The following DPPA2 variants were observed in gnomAD, a reference collection of about 807,000 sequenced individuals.
The protein encoded by DPPA2 is developmental pluripotency associated 2.
DPPA2 carries 26 observed loss-of-function variants against 36.2 expected under a neutral mutation model. The observed-to-expected ratio is 0.72, with a 90% CI of 0.53 to 1.00. The LOEUF (loss-of-function observed/expected upper bound fraction) is 1.00. Ranked by LOEUF, DPPA2 falls within the 50% of genes least tolerant of loss-of-function variation. DPPA2 has a pLI of 0.00. For synonymous variants in DPPA2, 113 were observed against 123.2 expected, an observed-to-expected ratio of 0.92 and a Z score of 0.55; for missense variants, 361 against 365.1, an observed-to-expected ratio of 0.99 and a Z score of 0.09.
chr3:109,303,993 C>T lies in DPPA2; in HGVS notation c.854+482G>A, dbSNP rs373999778. Among the ~76,000 whole-genome samples the T allele has an allele frequency of 4.6e-4, 69 of 151,438 alleles. 1 individual carries two copies. The highest frequency in any genetic ancestry group is 1.5e-3 in the African/African-American group (64 of 41,304). On this transcript the variant is annotated intron_variant, in intron 7 of 8. Coordinates refer to ENST00000478945, the MANE Select transcript of DPPA2 (RefSeq NM_138815.4). Reference sequence around the variant, plus strand: ...CTCTACTAAAAATACAGAAATTAGCCGGGCACGGTGGCTCACACCTGTTAT... The same window carrying T: ...CTCTACTAAAAATACAGAAATTAGCTGGGCACGGTGGCTCACACCTGTTAT...
chr3:109,300,237 G>T, intron 8 of DPPA2, 134 bp downstream of exon 8: 1 of 697,454 alleles, frequency 1.4e-6, no homozygotes. Flanking sequence ...GCAGACAAGA[G>T]ACTTTGATAC....
chr3:109,309,356 G>A lies in DPPA2; in HGVS notation c.182-26C>T. The A allele has an allele frequency of 3.7e-6, 6 of 1,610,894 alleles. No individual in the cohort carries two copies. In the South Asian group the frequency reaches 5.5e-5, roughly 15 times the overall value. On this transcript the variant is annotated intron_variant, in intron 3 of 8. Transcript: ENST00000478945. ...CTAAGACAAGAATGGAACCAAAGTA[G>A]TAATAATTTAAAGTTGGCAAGATTA...
chr3:109,304,407 T>G, intron 7 of DPPA2, 68 bp downstream of exon 7: 1 of 1,448,924 alleles, frequency 6.9e-7, no homozygotes, highest in Non-Finnish European at 9.2e-7. Flanking sequence ...TACTGTTAAA[T>G]TATTTAGAAA....
intron 5 of DPPA2, 96 bp downstream of exon 5, chr3:109,308,930 C>A (rs1216010265): frequency 2.8e-6 from 4 of 1,448,720 alleles, no homozygotes. Flanking sequence ...GAAACCCTGC[C>A]TTAGAGGTAC....
At chr3:109,296,636 T>C (rs956378965) in intron 8 of DPPA2, among the ~76,000 whole-genome samples, 15 of 151,088 alleles carry the variant, frequency 9.9e-5, no homozygotes, top group African/African-American at 3.4e-4. Context: ...GATCGCGCCA[T>C]TGCGCTCCAG....
At chr3:109,305,794 G>T (rs957407203) in intron 6 of DPPA2, among the ~76,000 whole-genome samples, 3 of 133,872 alleles carry the variant, frequency 2.2e-5, no homozygotes, top group African/African-American at 8.3e-5. Context: ...AAAAAAAAAC[G>T]CGTAAGGAAC....
intron 8 of DPPA2, among the ~76,000 whole-genome samples, chr3:109,295,659 C>CAT (rs1173880075): frequency 1.3e-3 from 190 of 150,622 alleles, no homozygotes; most frequent in African/African-American, 4.2e-3. Flanking sequence ...AGACAAATAG[C>CAT]ATATATATAT....
At chr3:109,300,225 C>G in intron 8 of DPPA2, 146 bp downstream of exon 8, 1 of 652,050 alleles carries the variant, frequency 1.5e-6, no homozygotes, top group South Asian at 1.9e-5. Context: ...TCCTGGTAGA[C>G]AGCAGACAAG....
At chr3:109,300,540 GGCC>G in intron 7 of DPPA2, 105 bp from the exon 8 acceptor site, 1 of 1,135,752 alleles carries the variant, frequency 8.8e-7, no homozygotes, top group South Asian at 1.3e-5. Context: ...TGCACTTCTG[GGCC>G]GGGTGTGGTG....
intron 2 of DPPA2, 113 bp from the exon 3 acceptor site, chr3:109,312,805 A>G: frequency 7.9e-7 from 1 of 1,258,956 alleles, no homozygotes; most frequent in Non-Finnish European, 1.1e-6. Flanking sequence ...TGGATGGAGA[A>G]AAGAATTACT....
intron 5 of DPPA2, 117 bp downstream of exon 5, chr3:109,308,909 G>A: frequency 2.4e-6 from 3 of 1,225,358 alleles, no homozygotes; most frequent in Non-Finnish European, 2.3e-6. Context: ...TATCAATAAT[G>A]CCACAGTGAA....
intron 3 of DPPA2, among the ~76,000 whole-genome samples, 180 bp from the exon 4 acceptor site, chr3:109,309,510 A>AC (rs1707656773): frequency 6.6e-6 from 1 of 151,064 alleles, no homozygotes; most frequent in Non-Finnish European, 1.5e-5. Context: ...ACATGGTGAA[A>AC]CCCCGTCTCT....
intron 7 of DPPA2, among the ~76,000 whole-genome samples, chr3:109,303,970 C>G (rs1707503501): frequency 6.6e-6 from 1 of 151,804 alleles, no homozygotes; most frequent in South Asian, 2.1e-4. Context: ...AACCCTGTCT[C>G]TACTAAAAAT....
In DPPA2 at chr3:109,312,527, C is replaced by A; in HGVS notation, c.181+18G>T. 6.2e-7 allele frequency: 1 copy of A among 1,600,582 alleles called. No homozygotes were observed. Among genetic ancestry groups the A allele is most frequent in the Non-Finnish European group, 8.5e-7 (1 of 1,170,804 alleles). ...AGAGTTGTAGGAGTAACTAACTGAG[C>A]AATCCCTGTCCTCATACCTGGATTG... On this transcript the variant is annotated intron_variant, in intron 3 of 8. Transcript: ENST00000478945.
chr3:109,310,643 C>T (rs12374007), intron 3 of DPPA2, among the ~76,000 whole-genome samples: 15 of 151,232 alleles, frequency 9.9e-5, no homozygotes, highest in South Asian at 2.1e-4. Context: ...GTAGGTGGGA[C>T]TACAGGCACG....
intron 7 of DPPA2, among the ~76,000 whole-genome samples, chr3:109,303,079 C>G (rs1380515817): frequency 6.6e-6 from 1 of 152,096 alleles, no homozygotes; most frequent in African/African-American, 2.4e-5. Context: ...CTGGCAGTTT[C>G]TAAATATATT....
At chr3:109,301,646 C>T (rs534854626) in intron 7 of DPPA2, among the ~76,000 whole-genome samples, 1 of 147,208 alleles carries the variant, frequency 6.8e-6, no homozygotes, top group Admixed American at 7.0e-5. Context: ...AGCCAGACTC[C>T]ATCTCAAATA....
chr3:109,313,797 C>A (rs1483385789), intron 2 of DPPA2, among the ~76,000 whole-genome samples: 1 of 152,144 alleles, frequency 6.6e-6, no homozygotes, highest in Non-Finnish European at 1.5e-5. Flanking sequence ...TAGTTTACTT[C>A]AAAATAACAC....
At chr3:109,301,623 G>A (rs1205005494) in intron 7 of DPPA2, among the ~76,000 whole-genome samples, 2 of 151,820 alleles carry the variant, frequency 1.3e-5, no homozygotes, top group African/African-American at 4.8e-5. Flanking sequence ...CTATACTCCA[G>A]CCTGGTTGAC....
Sources: allele counts gnomAD v4.1 joint callset (sites outside exome capture counted in the v4.1 genomes callset), GRCh38; gene constraint gnomAD v4.1.1; transcripts MANE v1.5; gene names NCBI Gene and HGNC (gene_info 2026-07-23, HGNC 2026-07-21).